The following KCNN2 variants were observed in gnomAD, a reference collection of about 807,000 sequenced individuals.
KCNN2 encodes small conductance calcium-activated potassium channel protein 2.
A neutral mutation model predicts 55.5 loss-of-function variants in KCNN2; 24 were observed. The observed-to-expected ratio is 0.43, with a 90% CI of 0.31 to 0.61. KCNN2 has a LOEUF of 0.61. Ranked by LOEUF, KCNN2 falls within the 20% of genes least tolerant of loss-of-function variation. KCNN2 has a pLI of 0.08. For missense variants in KCNN2, 754 were observed against 853.6 expected, an observed-to-expected ratio of 0.88 and a Z score of 1.45; for synonymous variants, 431 against 336.1, an observed-to-expected ratio of 1.28 and a Z score of -3.09.
At chr5:114,078,587 C>T (rs951381320) in intron 1 of KCNN2, among the ~76,000 whole-genome samples, 2 of 152,042 alleles carry the variant, frequency 1.3e-5, no homozygotes, top group African/African-American at 4.8e-5. Flanking sequence ...TAAATCAGTT[C>T]CTATGGGGGT....
At chr5:114,391,501 T>C (rs370858594) in intron 2 of KCNN2, among the ~76,000 whole-genome samples, 55 of 152,042 alleles carry the variant, frequency 3.6e-4, no homozygotes, top group African/African-American at 1.3e-3. Flanking sequence ...CTCCAAAATG[T>C]TGTGTGTGTG....
chr5:114,334,968 G>A (rs1756895149), intron 2 of KCNN2, among the ~76,000 whole-genome samples: 1 of 152,074 alleles, frequency 6.6e-6, no homozygotes, highest in Non-Finnish European at 1.5e-5. Flanking sequence ...CTGTCGCCCA[G>A]GCTGGAGTGC....
At chr5:114,313,074 G>A (rs543676385) in intron 2 of KCNN2, among the ~76,000 whole-genome samples, 65 of 152,162 alleles carry the variant, frequency 4.3e-4, no homozygotes, top group South Asian at 1.9e-3. Context: ...TTTTCCCTTT[G>A]TTTTTGTTCA....
chr5:114,398,203 G>T (rs1360586855), intron 2 of KCNN2, among the ~76,000 whole-genome samples: 1 of 152,120 alleles, frequency 6.6e-6, no homozygotes, highest in Non-Finnish European at 1.5e-5. Context: ...ATTGATTTTT[G>T]TATATTGTAT....
At chr5:114,176,282 G>A (rs1004165262) in intron 1 of KCNN2, among the ~76,000 whole-genome samples, 6 of 152,130 alleles carry the variant, frequency 3.9e-5, no homozygotes, top group Admixed American at 2.6e-4. Flanking sequence ...TCCTGGTTGA[G>A]AATCACCTCA....
intron 2 of KCNN2, among the ~76,000 whole-genome samples, chr5:114,281,702 C>A (rs1755628036): frequency 9.6e-6 from 1 of 103,664 alleles, no homozygotes; most frequent in Non-Finnish European, 2.2e-5. Flanking sequence ...AGCAAAGGTA[C>A]TTCTAGCTTT....
intron 2 of KCNN2, among the ~76,000 whole-genome samples, chr5:114,257,513 A>G (rs72799606): frequency 0.088 from 13,335 of 151,874 alleles, 774 homozygotes; most frequent in Non-Finnish European, 0.12. Context: ...ATTTGTTTGT[A>G]TTATCTATAT....
At chr5:114,382,787 C>A (rs1758164923) in intron 2 of KCNN2, among the ~76,000 whole-genome samples, 1 of 152,196 alleles carries the variant, frequency 6.6e-6, no homozygotes, top group Non-Finnish European at 1.5e-5. Context: ...CAGTCATATG[C>A]CCAACCCTGG....
chr5:114,148,295 A>G (rs1354218491), intron 1 of KCNN2, among the ~76,000 whole-genome samples: 1 of 152,190 alleles, frequency 6.6e-6, no homozygotes, highest in African/African-American at 2.4e-5. Context: ...TAATAACTGC[A>G]TTAACAGCTC....
At chr5:114,278,864 T>A (rs946431165) in intron 2 of KCNN2, among the ~76,000 whole-genome samples, 1 of 152,154 alleles carries the variant, frequency 6.6e-6, no homozygotes, top group African/African-American at 2.4e-5. Context: ...GCTCACCCTC[T>A]GTGGGCTACA....
At chr5:114,187,473 G>A (rs1390805085) in intron 1 of KCNN2, among the ~76,000 whole-genome samples, 1 of 150,818 alleles carries the variant, frequency 6.6e-6, no homozygotes, top group African/African-American at 2.4e-5. Flanking sequence ...TCTTTCCAAG[G>A]GCTATTAATA....
At chr5:114,399,959 G>T (rs1758737237) in intron 2 of KCNN2, among the ~76,000 whole-genome samples, 1 of 135,244 alleles carries the variant, frequency 7.4e-6, no homozygotes, top group Non-Finnish European at 1.5e-5. Flanking sequence ...CTATGTGGTT[G>T]GTGGTAATGT....
intron 2 of KCNN2, among the ~76,000 whole-genome samples, chr5:114,237,857 A>T (rs967137142): frequency 1.1e-4 from 17 of 152,176 alleles, no homozygotes; most frequent in Admixed American, 5.2e-4. Context: ...CCACGAGGTG[A>T]CTCAGGGAAC....
At chr5:114,201,701 G>C (rs111876752) in intron 1 of KCNN2, among the ~76,000 whole-genome samples, 1 of 152,164 alleles carries the variant, frequency 6.6e-6, no homozygotes, top group African/African-American at 2.4e-5. Flanking sequence ...CAGAGAAGGC[G>C]GGGTCCCTCT....
At chr5:114,249,744 C>CA (rs70976329) in intron 2 of KCNN2, among the ~76,000 whole-genome samples, 2,987 of 141,848 alleles carry the variant, frequency 0.021, 105 homozygotes, top group African/African-American at 0.071. Flanking sequence ...ACCCTAGCTT[C>CA]AAAAAAAAAA....
At chr5:114,348,756 T>C (rs1757158782) in intron 2 of KCNN2, among the ~76,000 whole-genome samples, 1 of 152,198 alleles carries the variant, frequency 6.6e-6, no homozygotes, top group South Asian at 2.1e-4. Flanking sequence ...TAGTCACTTA[T>C]GCCACCTCGG....
intron 1 of KCNN2, among the ~76,000 whole-genome samples, chr5:114,208,013 T>A (rs765423838): frequency 6.6e-6 from 1 of 152,190 alleles, no homozygotes; most frequent in East Asian, 1.9e-4. Context: ...AGTAGGTAGG[T>A]TGTGACTGGC....
At chr5:114,225,860 A>G (rs557730777) in intron 2 of KCNN2, among the ~76,000 whole-genome samples, 48 of 152,356 alleles carry the variant, frequency 3.2e-4, no homozygotes, top group African/African-American at 1.1e-3. Context: ...ATTCAGAAAG[A>G]TAATCATCCA....
chr5:114,173,204 T>C (rs1189858216), intron 1 of KCNN2, among the ~76,000 whole-genome samples: 1 of 152,046 alleles, frequency 6.6e-6, no homozygotes, highest in Admixed American at 6.6e-5. Context: ...CCCCAACATA[T>C]GTTGTTGGCA....
Sources: gnomAD v4.1 joint callset for allele counts (sites outside exome capture counted in the v4.1 genomes callset) on GRCh38, gnomAD v4.1.1 for gene constraint, MANE v1.5 for transcripts, NCBI Gene and HGNC (gene_info 2026-07-23, HGNC 2026-07-21) for gene names.